Variants in PCDHGB2 observed in about 807,000 individuals in gnomAD.
PCDHGB2 encodes the protein protocadherin gamma subfamily B, 2, also known as protocadherin gamma-B2.
Under a neutral mutation model 59.3 loss-of-function variants are expected in PCDHGB2, and 55 were observed. The ratio of observed to expected loss-of-function variants is 0.93; its 90% CI spans 0.75 to 1.16. The LOEUF (loss-of-function observed/expected upper bound fraction) is 1.16, where lower values mean the gene tolerates loss of function less well. Among genes scored for constraint, PCDHGB2 ranks in the 50% most tolerant of loss-of-function variants. The pLI is 0.00. For synonymous variants in PCDHGB2, 516 were observed against 512.0 expected, an observed-to-expected ratio of 1.01 and a Z score of -0.11; for missense variants, 1,228 against 1,198.5, an observed-to-expected ratio of 1.02 and a Z score of -0.36.
intron 1 of PCDHGB2, among the ~76,000 whole-genome samples, chr5:141,459,461 G>A (rs1217201752): frequency 6.6e-6 from 1 of 152,214 alleles, no homozygotes; most frequent in Non-Finnish European, 1.5e-5. Flanking sequence ...GGACATTTGA[G>A]TTGTGTCCAG....
At chr5:141,371,631 G>A in intron 1 of PCDHGB2, 5 of 1,614,006 alleles carry the variant, frequency 3.1e-6, no homozygotes, top group Non-Finnish European at 3.4e-6. Flanking sequence ...CCTGGACCGG[G>A]AGCAGATCCC....
chr5:141,399,001 T>G, intron 1 of PCDHGB2: 1 of 1,613,890 alleles, frequency 6.2e-7, no homozygotes, highest in Non-Finnish European at 8.5e-7. Context: ...TAGTCTGAAT[T>G]CAAAGAGCGG....
chr5:141,398,264 T>C lies in PCDHGB2; in HGVS notation c.2421+35708T>C, dbSNP rs370063277. On this transcript the variant is annotated intron_variant, in intron 1 of 3. Transcript: ENST00000522605. ...CCCGAGGAAATGCCCAAGGGCTCCG[T>C]AGTGGGGAACCTCGCCACGGACCTG... 2,051 of 1,443,238 alleles carry C rather than the reference T, an allele frequency of 1.4e-3. 29 individuals carry two copies. In the African/African-American group the frequency reaches 0.026, roughly 18 times the overall value. 89.4% of individuals were successfully genotyped at this position (1,443,238 alleles called of 1,614,324 possible).
In PCDHGB2 at chr5:141,414,479, C is replaced by G. The variant is rs752879517; in HGVS notation, c.2421+51923C>G. The G allele has an allele frequency of 3.1e-6, 5 of 1,613,906 alleles. No homozygotes were observed. The highest frequency in any genetic ancestry group is 1.3e-5 in the African/African-American group (1 of 75,040). Reference sequence around the variant, plus strand: ...ACAGCCACAGATGGGGGAAGTCCTCCTCTATCAACGGAAGCTCACTTTATG... The same window carrying G: ...ACAGCCACAGATGGGGGAAGTCCTCGTCTATCAACGGAAGCTCACTTTATG... On this transcript the variant is annotated intron_variant, in intron 1 of 3. Coordinates refer to ENST00000522605, the MANE Select transcript of PCDHGB2 (RefSeq NM_018923.3).
intron 1 of PCDHGB2, chr5:141,423,665 G>A: frequency 6.6e-7 from 1 of 1,512,226 alleles, no homozygotes; most frequent in Non-Finnish European, 8.9e-7. Flanking sequence ...AATCAGGTGA[G>A]ATTTATTTCT....
chr5:141,387,995 T>TCC (rs2091190111), intron 1 of PCDHGB2: 1 of 1,490,632 alleles, frequency 6.7e-7, no homozygotes, highest in Admixed American at 2.1e-5. Flanking sequence ...GCTACAGGAT[T>TCC]CCCGAGGAAA....
intron 1 of PCDHGB2, among the ~76,000 whole-genome samples, chr5:141,475,364 G>C (rs2099362607): frequency 6.6e-6 from 1 of 152,200 alleles, no homozygotes; most frequent in Admixed American, 6.5e-5. Flanking sequence ...AATAAAATCT[G>C]AATTGTACTT....
rs536041905 is a variant in PCDHGB2, at chr5:141,376,529, C to T, written c.2421+13973C>T. The T allele has an allele frequency of 9.9e-6, 16 of 1,613,656 alleles. No homozygotes were observed. The African/African-American group carries it at 2.0e-4, about 20-fold the overall frequency. ...TCAGGTGAGTTTCTTTCCGCCTAAG[C>T]GGGAAGAGTAATCTGATCTTCCCGC... is the stretch of plus-strand genomic sequence containing the variant. On this transcript the variant is annotated intron_variant, in intron 1 of 3. Transcript: ENST00000522605.
At chr5:141,366,048 C>G (rs777611384) in intron 1 of PCDHGB2, 4 of 1,614,262 alleles carry the variant, frequency 2.5e-6, no homozygotes, top group Middle Eastern at 1.6e-4. Context: ...GACGGTTCCA[C>G]GGGCGTGGAG....
intron 1 of PCDHGB2, among the ~76,000 whole-genome samples, chr5:141,474,922 C>G (rs748864870): frequency 3.9e-5 from 6 of 152,238 alleles, no homozygotes; most frequent in Non-Finnish European, 8.8e-5. Flanking sequence ...CATCTCATCT[C>G]TGGCTTATAT....
chr5:141,390,275 C>G, intron 1 of PCDHGB2: 1 of 1,613,976 alleles, frequency 6.2e-7, no homozygotes, highest in Non-Finnish European at 8.5e-7. Context: ...AATTGACTTC[C>G]CATCAGGTGA....
At chr5:141,418,742 G>T (rs1351760637) in intron 1 of PCDHGB2, 6 of 1,613,778 alleles carry the variant, frequency 3.7e-6, no homozygotes, top group South Asian at 1.1e-5. Context: ...GTTCTCTCTG[G>T]ATTACACTAC....
intron 1 of PCDHGB2, chr5:141,400,181 A>T: frequency 6.2e-7 from 1 of 1,614,034 alleles, no homozygotes; most frequent in Non-Finnish European, 8.5e-7. Flanking sequence ...GCTGAGCTGC[A>T]GTTTTACCTA....
intron 1 of PCDHGB2, chr5:141,375,869 A>G (rs767048735): frequency 1.2e-6 from 2 of 1,613,850 alleles, no homozygotes; most frequent in Admixed American, 1.7e-5. Context: ...GGCGGTGGAC[A>G]GAGACTCGGG....
chr5:141,406,781 T>C (rs1054583306), intron 1 of PCDHGB2, among the ~76,000 whole-genome samples: 4 of 152,218 alleles, frequency 2.6e-5, no homozygotes, highest in Non-Finnish European at 5.9e-5. Context: ...CTCTCACTTA[T>C]ATATTATTTC....
intron 1 of PCDHGB2, chr5:141,419,027 G>A (rs1415215066): frequency 6.2e-7 from 1 of 1,613,870 alleles, no homozygotes; most frequent in Admixed American, 1.7e-5. Flanking sequence ...AAGTAGAGGT[G>A]TTCCATTTAA....
At chr5:141,370,760 G>C (rs773157241) in intron 1 of PCDHGB2, 3 of 1,613,980 alleles carry the variant, frequency 1.9e-6, no homozygotes, top group Non-Finnish European at 8.5e-7. Context: ...TAACTGTGCT[G>C]ATCCAGGATA....
intron 1 of PCDHGB2, chr5:141,441,665 A>ACAGTG (rs936537442): frequency 7.5e-6 from 2 of 265,720 alleles, no homozygotes; most frequent in African/African-American, 4.7e-5. Flanking sequence ...CCTTGAGCGC[A>ACAGTG]CAGTGCGCCT....
intron 1 of PCDHGB2, among the ~76,000 whole-genome samples, chr5:141,482,828 T>G (rs1274498876): frequency 4.4e-5 from 6 of 135,272 alleles, no homozygotes; most frequent in Non-Finnish European, 9.5e-5. Flanking sequence ...TCCTAGCACT[T>G]TGGGAGGCCA....
Sources: gnomAD v4.1 joint callset for allele counts (sites outside exome capture counted in the v4.1 genomes callset) on GRCh38, gnomAD v4.1.1 for gene constraint, MANE v1.5 for transcripts, NCBI Gene and HGNC (gene_info 2026-07-23, HGNC 2026-07-21) for gene names.